Variants in EFEMP1 observed in about 807,000 individuals in gnomAD.
EFEMP1 encodes EGF-like fibulin extracellular matrix protein 1.
EFEMP1 carries 18 observed loss-of-function variants against 65.7 expected under a neutral mutation model. The ratio of observed to expected loss-of-function variants is 0.27; its 90% confidence interval spans 0.19 to 0.41. The LOEUF (loss-of-function observed/expected upper bound fraction) is 0.41, where lower values mean the gene tolerates loss of function less well. Among genes scored for constraint, EFEMP1 ranks in the 10% least tolerant of loss-of-function variants. The probability of loss-of-function intolerance (pLI) is 1.00; values close to 1 mark genes in which losing one functional copy is unlikely to be tolerated. For synonymous variants in EFEMP1, 237 were observed against 219.7 expected (o/e 1.08, Z -0.70); for missense variants, 469 against 624.8 (o/e 0.75, Z 2.66).
intron 5 of EFEMP1, among the ~76,000 whole-genome samples, chr2:55,899,098 G>C (rs1213772610): frequency 6.6e-6 from 1 of 152,092 alleles, no homozygotes. Flanking sequence ...TTCATTAACT[G>C]CATCACATCC....
At position 55,895,640 on chromosome 2, in the gene EFEMP1, C is replaced by T. The variant is rs957273963; in HGVS notation, c.518-13906G>A. ...CACTGCAGGCTCCGCCCCCGGGGTT[C>T]ACGCCATTCTCCTGCCTCAGCCTCC... is the stretch of plus-strand genomic sequence containing the variant. On this transcript the variant is annotated intron_variant, in intron 5 of 11. Transcript: ENST00000355426. Among the ~76,000 whole-genome samples the T allele has an allele frequency of 3.3e-5, 5 of 151,026 alleles. No individual in the cohort carries two copies. The South Asian group carries it at 6.2e-4, about 19-fold the overall frequency.
intron 5 of EFEMP1, among the ~76,000 whole-genome samples, chr2:55,907,346 G>T (rs929775096): frequency 1.3e-5 from 2 of 152,204 alleles, no homozygotes; most frequent in Non-Finnish European, 2.9e-5. Context: ...GGCAAGAAAA[G>T]GGGTATTTAG....
At chr2:55,895,713 T>C (rs1669803680) in intron 5 of EFEMP1, among the ~76,000 whole-genome samples, 2 of 151,988 alleles carry the variant, frequency 1.3e-5, no homozygotes, top group South Asian at 4.2e-4. Flanking sequence ...GGCTAATTTT[T>C]TGTATTTTTA....
chr2:55,869,662 T>C (rs949362548), intron 11 of EFEMP1, among the ~76,000 whole-genome samples: 3 of 152,182 alleles, frequency 2.0e-5, no homozygotes, highest in African/African-American at 7.2e-5. Context: ...AATTTCCCAA[T>C]TTAATTCATA....
At chr2:55,872,069 TAACAAC>T (rs201330469) in intron 9 of EFEMP1, among the ~76,000 whole-genome samples, 43 of 151,858 alleles carry the variant, frequency 2.8e-4, no homozygotes, top group African/African-American at 9.9e-4. Flanking sequence ...ATTACATTTA[TAACAAC>T]AACAACAACA....
chr2:55,887,012 A>G (rs1479074385), intron 5 of EFEMP1, among the ~76,000 whole-genome samples: 1 of 152,184 alleles, frequency 6.6e-6, no homozygotes, highest in Non-Finnish European at 1.5e-5. Flanking sequence ...ATTAATTGGT[A>G]TAAAAATAGG....
chr2:55,896,381 A>C (rs1669831314), intron 5 of EFEMP1, among the ~76,000 whole-genome samples: 3 of 152,220 alleles, frequency 2.0e-5, no homozygotes, highest in Admixed American at 2.0e-4. Context: ...AATGGAGCAA[A>C]CCTCAAACAG....
In EFEMP1 at chr2:55,883,413, C is replaced by G. The variant is rs1305849597; in HGVS notation, c.518-1679G>C. 6.6e-6 allele frequency among the ~76,000 whole-genome samples: 1 copy of G among 152,098 alleles called. No homozygotes were observed. The highest frequency in any genetic ancestry group is 1.5e-5 in the Non-Finnish European group (1 of 68,020). On this transcript the variant is annotated intron_variant, in intron 5 of 11. Transcript: ENST00000355426. This position sits in a 1 kb window ranked among gnomAD's most constrained non-coding sequence, Gnocchi z 4.5. Reference sequence around the variant, plus strand: ...TTTCTCAGATGCACTTGATGAAAACCTTTTTACTGGGGTTTCTTCAGAGCT... The same window carrying G: ...TTTCTCAGATGCACTTGATGAAAACGTTTTTACTGGGGTTTCTTCAGAGCT...
chr2:55,918,325 C>A, intron 3 of EFEMP1, 58 bp from the exon 4 acceptor site: 1 of 1,585,780 alleles, frequency 6.3e-7, no homozygotes, highest in South Asian at 1.1e-5. Context: ...TGTCCATTCC[C>A]TAAGAAATCA....
rs1462320064 is a variant in EFEMP1, at chr2:55,883,655, A to G, written c.518-1921T>C. Among the ~76,000 whole-genome samples, 5 of 152,124 alleles carry G rather than the reference A, an allele frequency of 3.3e-5. No individual in the cohort carries two copies. Among genetic ancestry groups the G allele is most frequent in the East Asian group, 3.8e-4 (2 of 5,196 alleles). On this transcript the variant is annotated intron_variant, in intron 5 of 11. Coordinates refer to ENST00000355426, the MANE Select transcript of EFEMP1 (RefSeq NM_001039348.3). This position sits in a 1 kb window ranked among gnomAD's most constrained non-coding sequence, Gnocchi z 4.5. ...ACTGAGGCTTTTCTTTTTGACATCT[A>G]TCTGCAAACTGCCTCCACCCCGCTG...
chr2:55,869,429 G>T (rs1668715010), intron 11 of EFEMP1, among the ~76,000 whole-genome samples: 1 of 151,986 alleles, frequency 6.6e-6, no homozygotes, highest in East Asian at 1.9e-4. Flanking sequence ...AAATGTTAAA[G>T]AACTATAATA....
intron 5 of EFEMP1, among the ~76,000 whole-genome samples, chr2:55,894,734 T>C (rs889313833): frequency 6.6e-6 from 1 of 152,168 alleles, no homozygotes; most frequent in South Asian, 2.1e-4. Flanking sequence ...GCCTTCATTA[T>C]AGCTGAAGGT....
chr2:55,901,759 T>C (rs1303010681), intron 5 of EFEMP1, among the ~76,000 whole-genome samples: 1 of 152,182 alleles, frequency 6.6e-6, no homozygotes, highest in Non-Finnish European at 1.5e-5. Context: ...CAGGGGCTTG[T>C]TTCCAACGAA....
Position 55,922,062 on chromosome 2 carries a change from G to A in EFEMP1, c.81+298C>T. The A allele has an allele frequency of 2.6e-6, 1 of 381,400 alleles. No homozygotes were observed. The allele number at this position is 381,400 out of a possible 1,614,324, so 23.6% of individuals were successfully genotyped here. ...AGTTCCTTACACCCATTAATTTGTT[G>A]AATGTTTTGGAAACATGTAACTTTC... On this transcript the variant is annotated intron_variant, in intron 3 of 11. Coordinates refer to ENST00000355426, the MANE Select transcript of EFEMP1 (RefSeq NM_001039348.3). The surrounding 1 kb of genome is among the most constrained non-coding windows in gnomAD (Gnocchi z 5.5).
chr2:55,892,491 G>A (rs1051110856), intron 5 of EFEMP1, among the ~76,000 whole-genome samples: 2 of 151,922 alleles, frequency 1.3e-5, no homozygotes, highest in Non-Finnish European at 2.9e-5. Flanking sequence ...CCTCTAATCT[G>A]TAGGATCAAA....
Position 55,922,168 on chromosome 2 carries a change from C to G in EFEMP1, c.81+192G>C. The G allele has an allele frequency of 1.7e-6, 1 of 590,352 alleles. No homozygotes were observed. The highest frequency in any genetic ancestry group is 1.8e-5 in the South Asian group (1 of 56,648). The allele number at this position is 590,352 out of a possible 1,614,324, so 36.6% of individuals were successfully genotyped here. A position where few individuals can be genotyped will look rare whatever the true frequency, so the allele number is the denominator to read the frequency against. On this transcript the variant is annotated intron_variant, in intron 3 of 11. Transcript: ENST00000355426. This position sits in a 1 kb window ranked among gnomAD's most constrained non-coding sequence, Gnocchi z 5.5. The stretch of plus-strand genomic sequence containing the variant: ...GTTGGTTCCTATCTTAGGTGGTGAG[C>G]CCAATGAACTTTTGAAAGGATCAAG...
At chr2:55,909,304 A>C (rs1469153243) in intron 5 of EFEMP1, among the ~76,000 whole-genome samples, 1 of 152,230 alleles carries the variant, frequency 6.6e-6, no homozygotes, top group South Asian at 2.1e-4. Flanking sequence ...ATATGTTTAG[A>C]CAGAGCTAAA....
chr2:55,922,824 C>T lies in EFEMP1; in HGVS notation c.-8+75G>A. On this transcript the variant is annotated intron_variant, in intron 2 of 11. Coordinates refer to ENST00000355426, the MANE Select transcript of EFEMP1 (RefSeq NM_001039348.3). This position sits in a 1 kb window ranked among gnomAD's most constrained non-coding sequence, Gnocchi z 5.5. The stretch of plus-strand genomic sequence containing the variant: ...ACGGTGCATTTCCTGCCCCCCAGTC[C>T]CACACCCCGGGGGATGGAGGTGGGG... 1 of 1,111,724 alleles carries T rather than the reference C, an allele frequency of 9.0e-7. No individual in the cohort carries two copies. The highest frequency in any genetic ancestry group is 1.1e-6 in the Non-Finnish European group (1 of 878,956). The allele number at this position is 1,111,724 out of a possible 1,614,324, so 68.9% of individuals were successfully genotyped here.
At chr2:55,906,626 A>G (rs1277834113) in intron 5 of EFEMP1, among the ~76,000 whole-genome samples, 1 of 151,760 alleles carries the variant, frequency 6.6e-6, no homozygotes, top group Non-Finnish European at 1.5e-5. Context: ...CTGTTTTAAC[A>G]AAAGGTGCCC....
Sources: allele counts gnomAD v4.1 joint callset (sites outside exome capture counted in the v4.1 genomes callset), GRCh38; gene constraint gnomAD v4.1.1; non-coding constraint Gnocchi (gnomAD v3.1); transcripts MANE v1.5; gene names NCBI Gene and HGNC (gene_info 2026-07-23, HGNC 2026-07-21).